LRBA: variants seen among roughly 807,000 people sequenced by gnomAD.
The protein encoded by LRBA is LPS responsive beige-like anchor protein, also known as lipopolysaccharide-responsive and beige-like anchor protein.
In LRBA, 176 loss-of-function variants were observed where a neutral mutation model predicts 330.0. The ratio of observed to expected loss-of-function variants is 0.53; its 90% CI spans 0.47 to 0.60. The LOEUF is 0.60. LRBA is among the 20% of genes least tolerant of loss of function. The pLI is 0.00. For synonymous variants in LRBA, 1,230 were observed against 1,193.0 expected (o/e 1.03, Z -0.64); for missense variants, 3,259 against 3,444.8 (o/e 0.95, Z 1.35).
chr4:150,533,489 A>T (rs922631029), intron 40 of LRBA, among the ~76,000 whole-genome samples: 3 of 147,844 alleles, frequency 2.0e-5, no homozygotes, highest in Non-Finnish European at 4.5e-5. Flanking sequence ...ATTTTTTTTT[A>T]ATTATTGGGA....
intron 44 of LRBA, 80 bp from the exon 45 acceptor site, chr4:150,436,944 A>C (rs1238720582): frequency 1.9e-5 from 24 of 1,258,946 alleles, no homozygotes; most frequent in African/African-American, 3.0e-5. Context: ...ATGATATCCT[A>C]CTGGTAAGTA....
At chr4:151,011,484 G>A (rs1744833172) in intron 2 of LRBA, among the ~76,000 whole-genome samples, 1 of 151,418 alleles carries the variant, frequency 6.6e-6, no homozygotes, top group South Asian at 2.1e-4. Flanking sequence ...TGTGGTCCCA[G>A]CTACTTGGGA....
chr4:150,622,397 C>A (rs974934615), intron 37 of LRBA, among the ~76,000 whole-genome samples: 15 of 152,256 alleles, frequency 9.9e-5, no homozygotes, highest in African/African-American at 3.6e-4. Context: ...AAAGTAGCCA[C>A]AATGGTGGCA....
intron 2 of LRBA, among the ~76,000 whole-genome samples, chr4:150,953,760 T>C (rs1477143542): frequency 2.6e-5 from 4 of 151,894 alleles, no homozygotes; most frequent in African/African-American, 7.2e-5. Flanking sequence ...AGTGCCAAGA[T>C]TGCAGCCTCT....
At chr4:150,886,700 G>T (rs944122549) in intron 17 of LRBA, among the ~76,000 whole-genome samples, 2 of 152,178 alleles carry the variant, frequency 1.3e-5, no homozygotes, top group African/African-American at 4.8e-5. Flanking sequence ...CCCTTACCAG[G>T]TTGTCTATTT....
chr4:150,667,875 T>C (rs1781707568), intron 37 of LRBA, among the ~76,000 whole-genome samples: 1 of 152,208 alleles, frequency 6.6e-6, no homozygotes, highest in Non-Finnish European at 1.5e-5. Flanking sequence ...CAATTTATTA[T>C]AACAACCTGA....
intron 44 of LRBA, among the ~76,000 whole-genome samples, chr4:150,451,692 T>G (rs1159170374): frequency 1.3e-5 from 2 of 151,872 alleles, no homozygotes; most frequent in Admixed American, 6.6e-5. Context: ...AAAAATATAG[T>G]ATGGAAAGCA....
intron 37 of LRBA, among the ~76,000 whole-genome samples, chr4:150,616,022 A>T (rs955125043): frequency 6.6e-6 from 1 of 152,206 alleles, no homozygotes; most frequent in East Asian, 1.9e-4. Context: ...AATTTATATG[A>T]AACAGAAATT....
chr4:150,719,024 A>C (rs938880863), intron 36 of LRBA, among the ~76,000 whole-genome samples: 4 of 152,098 alleles, frequency 2.6e-5, no homozygotes, highest in African/African-American at 9.6e-5. Context: ...TGTTGTAAGA[A>C]TTAGTTGCTA....
chr4:150,452,992 A>G (rs1753577977), intron 44 of LRBA, among the ~76,000 whole-genome samples: 1 of 152,184 alleles, frequency 6.6e-6, no homozygotes, highest in Admixed American at 6.5e-5. Flanking sequence ...AATTAACAAG[A>G]TATGTGTAAG....
chr4:150,542,868 T>A (rs1443240215), intron 40 of LRBA, among the ~76,000 whole-genome samples: 1 of 152,140 alleles, frequency 6.6e-6, no homozygotes, highest in Admixed American at 6.6e-5. Flanking sequence ...TACAAAAAAA[T>A]TTTAAGGTTT....
At chr4:150,651,853 AC>A (rs1327619762) in intron 37 of LRBA, among the ~76,000 whole-genome samples, 2 of 152,030 alleles carry the variant, frequency 1.3e-5, no homozygotes, top group African/African-American at 4.8e-5. Context: ...CCCAGCTCCC[AC>A]CTGATTGATG....
intron 44 of LRBA, among the ~76,000 whole-genome samples, chr4:150,458,550 G>A (rs1046942462): frequency 4.0e-5 from 6 of 151,880 alleles, no homozygotes; most frequent in Non-Finnish European, 7.4e-5. Flanking sequence ...AATGGTAACA[G>A]GAATATACAA....
intron 40 of LRBA, among the ~76,000 whole-genome samples, chr4:150,530,587 T>C (rs1763959328): frequency 6.6e-6 from 1 of 152,208 alleles, no homozygotes; most frequent in African/African-American, 2.4e-5. Context: ...CCAAAAGTTA[T>C]CCTGTAGGAT....
chr4:150,876,306 G>T (rs1324940182), intron 17 of LRBA, among the ~76,000 whole-genome samples: 4 of 152,174 alleles, frequency 2.6e-5, no homozygotes, highest in African/African-American at 9.7e-5. Flanking sequence ...AAATATATGT[G>T]AGGAAATAAT....
intron 47 of LRBA, among the ~76,000 whole-genome samples, chr4:150,382,284 T>A (rs1426167398): frequency 2.0e-5 from 3 of 152,176 alleles, no homozygotes; most frequent in Non-Finnish European, 4.4e-5. Context: ...CTTGCAGTCT[T>A]GTTTTGTGTC....
intron 2 of LRBA, among the ~76,000 whole-genome samples, chr4:150,978,505 G>T (rs1429100953): frequency 6.6e-6 from 1 of 152,070 alleles, no homozygotes; most frequent in Admixed American, 6.6e-5. Flanking sequence ...ACACTTCCTA[G>T]GAAAACATGA....
At chr4:150,686,958 A>G (rs1040385794) in intron 36 of LRBA, among the ~76,000 whole-genome samples, 2 of 152,146 alleles carry the variant, frequency 1.3e-5, no homozygotes, top group African/African-American at 4.8e-5. Flanking sequence ...GTGTTCTTTA[A>G]TGGATCCTTC....
intron 16 of LRBA, among the ~76,000 whole-genome samples, chr4:150,895,863 A>T (rs1038901096): frequency 5.9e-5 from 9 of 152,108 alleles, no homozygotes; most frequent in Non-Finnish European, 1.3e-4. Flanking sequence ...CGCCACACCG[A>T]CTTCCACAAT....
Sources: allele counts gnomAD v4.1 joint callset (sites outside exome capture counted in the v4.1 genomes callset), GRCh38; gene constraint gnomAD v4.1.1; transcripts MANE v1.5; gene names NCBI Gene and HGNC (gene_info 2026-07-23, HGNC 2026-07-21).